DNAJC1: variants seen among roughly 807,000 people sequenced by gnomAD.
The protein encoded by DNAJC1 is DnaJ heat shock protein family (Hsp40) member C1, also known as dnaJ homolog subfamily C member 1.
Under a neutral mutation model 76.6 loss-of-function variants are expected in DNAJC1, and 58 were observed. The observed-to-expected ratio is 0.76, with a 90% CI of 0.61 to 0.94. DNAJC1 has a LOEUF of 0.94. Among genes scored for constraint, DNAJC1 ranks in the 40% least tolerant of loss-of-function variants. The pLI is 0.00. For missense variants in DNAJC1, 689 were observed against 677.3 expected (o/e 1.02, Z -0.19); for synonymous variants, 258 against 267.9 (o/e 0.96, Z 0.36).
chr10:21,927,423 C>G (rs376608190), intron 3 of DNAJC1, among the ~76,000 whole-genome samples: 16 of 152,236 alleles, frequency 1.1e-4, no homozygotes, highest in African/African-American at 3.6e-4. Context: ...GTATTACCCC[C>G]CTAGTGAAGG....
chr10:21,759,033 A>C (rs746651849), intron 11 of DNAJC1, 137 bp downstream of exon 11: 13 of 888,826 alleles, frequency 1.5e-5, no homozygotes, highest in Non-Finnish European at 2.3e-5. Flanking sequence ...AATATACTGG[A>C]AGATAAATGG....
At chr10:21,873,491 A>C (rs549089660) in intron 8 of DNAJC1, among the ~76,000 whole-genome samples, 1 of 152,310 alleles carries the variant, frequency 6.6e-6, no homozygotes, top group South Asian at 2.1e-4. Context: ...AAAAAATTCT[A>C]CCAAGAATTA....
At chr10:21,775,154 CT>C (rs566226826) in intron 9 of DNAJC1, among the ~76,000 whole-genome samples, 4 of 151,138 alleles carry the variant, frequency 2.6e-5, no homozygotes, top group Non-Finnish European at 4.4e-5. Context: ...GCAGCCATAC[CT>C]TTTTTTTTCT....
intron 7 of DNAJC1, among the ~76,000 whole-genome samples, chr10:21,900,845 A>G (rs1331407287): frequency 6.6e-6 from 1 of 152,176 alleles, no homozygotes; most frequent in Non-Finnish European, 1.5e-5. Flanking sequence ...ACCACAGGCA[A>G]AGTGTTCTAA....
chr10:21,975,967 G>A (rs1838054909), intron 1 of DNAJC1, among the ~76,000 whole-genome samples: 2 of 152,112 alleles, frequency 1.3e-5, no homozygotes, highest in Admixed American at 1.3e-4. Flanking sequence ...GGGAAAATTA[G>A]GGAAAGAGTA....
chr10:21,900,404 A>C (rs1836631316), intron 7 of DNAJC1, among the ~76,000 whole-genome samples: 1 of 152,204 alleles, frequency 6.6e-6, no homozygotes, highest in African/African-American at 2.4e-5. Context: ...CTATAGCCAT[A>C]AACACTTATA....
At chr10:21,878,438 AT>A (rs201151557) in intron 8 of DNAJC1, among the ~76,000 whole-genome samples, 347 of 152,326 alleles carry the variant, frequency 2.3e-3, no homozygotes, top group East Asian at 9.4e-3. Flanking sequence ...TTAGTACTGC[AT>A]CTTTACATTT....
chr10:21,931,645 T>G (rs1311735557), intron 1 of DNAJC1, among the ~76,000 whole-genome samples: 1 of 152,228 alleles, frequency 6.6e-6, no homozygotes, highest in Admixed American at 6.5e-5. Context: ...CCTGATAAAC[T>G]ATATGGAACA....
At chr10:21,849,321 T>TAAAAAAAAAAAAAAAAAAA (rs1283566162) in intron 8 of DNAJC1, among the ~76,000 whole-genome samples, 1 of 63,346 alleles carries the variant, frequency 1.6e-5, no homozygotes. Flanking sequence ...AAAAAAAAAG[T>TAAAAAAAAAAAAAAAAAAA]AAATGCCTAC....
At position 21,762,999 on chromosome 10, in the gene DNAJC1, C is replaced by T. The variant is rs533761397; in HGVS notation, c.1147+3262G>A. ...GGCTGGAAGTTCAGTGGCATGATCT[C>T]GGCTCACTGCAACCTCTGCCTCCCG... On this transcript the variant is annotated intron_variant, in intron 10 of 11. Coordinates refer to ENST00000376980, the MANE Select transcript of DNAJC1 (RefSeq NM_022365.4). Among the ~76,000 whole-genome samples the T allele has an allele frequency of 4.6e-5, 7 of 152,244 alleles. No homozygotes were observed. In the East Asian group the frequency reaches 5.8e-4, roughly 13 times the overall value.
chr10:21,892,441 T>C (rs915407200), intron 7 of DNAJC1, among the ~76,000 whole-genome samples: 1 of 150,542 alleles, frequency 6.6e-6, no homozygotes, highest in Non-Finnish European at 1.5e-5. Flanking sequence ...CTATCTGTAA[T>C]AGAGAAAAAA....
chr10:21,977,182 A>C (rs546605548), intron 1 of DNAJC1, among the ~76,000 whole-genome samples: 1 of 152,310 alleles, frequency 6.6e-6, no homozygotes, highest in African/African-American at 2.4e-5. Flanking sequence ...CTCAGTACTT[A>C]AATACCAGAA....
chr10:21,986,096 G>T (rs550228419), intron 1 of DNAJC1, among the ~76,000 whole-genome samples: 2 of 152,028 alleles, frequency 1.3e-5, no homozygotes, highest in African/African-American at 4.8e-5. Context: ...GTGTGGTGGC[G>T]GGTGCCTGTA....
intron 9 of DNAJC1, among the ~76,000 whole-genome samples, chr10:21,801,820 A>G (rs1834818219): frequency 6.6e-6 from 1 of 152,240 alleles, no homozygotes; most frequent in African/African-American, 2.4e-5. Context: ...AAAAAGAATG[A>G]GCTCATGTCT....
chr10:21,937,138 G>C (rs1293095222), intron 1 of DNAJC1, among the ~76,000 whole-genome samples: 1 of 152,018 alleles, frequency 6.6e-6, no homozygotes, highest in Non-Finnish European at 1.5e-5. Flanking sequence ...AGGAAATGAT[G>C]CTATTTAAAG....
chr10:21,762,558 T>A (rs1041142434), intron 10 of DNAJC1, among the ~76,000 whole-genome samples: 3 of 152,216 alleles, frequency 2.0e-5, no homozygotes, highest in Non-Finnish European at 2.9e-5. Context: ...GAAAACATTT[T>A]CATAAAAATC....
At position 21,756,624 on chromosome 10, in the gene DNAJC1, C is replaced by T. The variant is rs1307043974; in HGVS notation, c.*63G>A. On this transcript the variant is annotated 3_prime_UTR_variant, in exon 12 of 12. Transcript: ENST00000376980. The stretch of plus-strand genomic sequence containing the variant: ...ATATTGAGGTACAAAATGCAAATTT[C>T]TGCATAAGATTTTTAAGATATTCAT... 2.7e-5 allele frequency: 35 copies of T among 1,315,420 alleles called. No homozygotes were observed. The highest frequency in any genetic ancestry group is 3.7e-5 in the Non-Finnish European group (34 of 913,550). The allele number at this position is 1,315,420 out of a possible 1,614,324, so 81.5% of individuals were successfully genotyped here.
chr10:21,982,311 A>C (rs1247008961), intron 1 of DNAJC1, among the ~76,000 whole-genome samples: 2 of 152,222 alleles, frequency 1.3e-5, no homozygotes, highest in Non-Finnish European at 2.9e-5. Context: ...AGAAGAAAAT[A>C]TATGGGAAAA....
chr10:21,759,114 G>A, intron 11 of DNAJC1, 56 bp downstream of exon 11: 1 of 1,513,910 alleles, frequency 6.6e-7, no homozygotes, highest in African/African-American at 1.4e-5. Context: ...GACAAGCTGT[G>A]GCTCCTCTGG....
Sources: allele counts gnomAD v4.1 joint callset (sites outside exome capture counted in the v4.1 genomes callset), GRCh38; gene constraint gnomAD v4.1.1; transcripts MANE v1.5; gene names NCBI Gene and HGNC (gene_info 2026-07-23, HGNC 2026-07-21).